Variants in DPYD observed in about 807,000 individuals in gnomAD.
DPYD encodes the protein dihydropyrimidine dehydrogenase [NADP(+)].
In DPYD, 109 loss-of-function variants were observed where a neutral mutation model predicts 116.2. The ratio of observed to expected loss-of-function variants is 0.94; its 90% CI spans 0.80 to 1.10. The LOEUF is 1.10. Ranked by LOEUF, DPYD falls within the 50% of genes least tolerant of loss-of-function variation. The probability of loss-of-function intolerance (pLI) is 0.00; values close to 1 mark genes in which losing one functional copy is unlikely to be tolerated. For synonymous variants in DPYD, 440 were observed against 432.0 expected, an observed-to-expected ratio of 1.02 and a Z score of -0.23; for missense variants, 1,302 against 1,254.5, an observed-to-expected ratio of 1.04 and a Z score of -0.57.
chr1:97,911,138 A>C (rs1415426985), intron 1 of DPYD, among the ~76,000 whole-genome samples: 2 of 152,222 alleles, frequency 1.3e-5, no homozygotes, highest in East Asian at 3.9e-4. Flanking sequence ...AGCTGCTAGC[A>C]GCTATATTAA....
At chr1:97,756,787 A>G (rs1252616908) in intron 3 of DPYD, among the ~76,000 whole-genome samples, 1 of 152,212 alleles carries the variant, frequency 6.6e-6, no homozygotes, top group Non-Finnish European at 1.5e-5. Flanking sequence ...TATTGACTTT[A>G]GTAATGCTAA....
At chr1:97,128,738 A>G (rs1001449742) in intron 20 of DPYD, among the ~76,000 whole-genome samples, 1 of 152,206 alleles carries the variant, frequency 6.6e-6, no homozygotes, top group South Asian at 2.1e-4. Context: ...AACAATGAGC[A>G]GAAGTCTGGA....
intron 14 of DPYD, among the ~76,000 whole-genome samples, chr1:97,425,194 A>G (rs1674795845): frequency 6.6e-6 from 1 of 152,098 alleles, no homozygotes; most frequent in Non-Finnish European, 1.5e-5. Context: ...AATCAGCAGT[A>G]TAAATAGATG....
intron 20 of DPYD, among the ~76,000 whole-genome samples, chr1:97,177,571 T>A (rs1175443637): frequency 6.7e-6 from 1 of 148,950 alleles, no homozygotes; most frequent in East Asian, 2.0e-4. Flanking sequence ...TCTTTCTTTT[T>A]TTTTTTTTTT....
rs750268588 is a variant in DPYD at position 97,193,256 on chromosome 1, A to G, written c.2443-8T>C. The G allele has an allele frequency of 2.5e-6, 4 of 1,612,608 alleles. No homozygotes were observed. The highest frequency in any genetic ancestry group is 1.1e-5 in the South Asian group (1 of 90,870). On this transcript the variant is annotated splice_region_variant and splice_polypyrimidine_tract_variant and intron_variant, in intron 19 of 22. Transcript: ENST00000370192. ...CTGAATGGCACTGCATACCTAGAAA[A>G]GACAGAGCAGTCAACCAAGTGTCAA...
At chr1:97,390,869 G>A (rs1363405141) in intron 14 of DPYD, among the ~76,000 whole-genome samples, 3 of 151,406 alleles carry the variant, frequency 2.0e-5, no homozygotes, top group Non-Finnish European at 4.4e-5. Context: ...TTTAGTTTCT[G>A]TCCCCAATAT....
At chr1:97,654,174 A>AG in intron 8 of DPYD, among the ~76,000 whole-genome samples, 1 of 152,308 alleles carries the variant, frequency 6.6e-6, no homozygotes, top group Non-Finnish European at 1.5e-5. Flanking sequence ...ATAAATATAC[A>AG]CTGTCCTGCT....
intron 8 of DPYD, among the ~76,000 whole-genome samples, chr1:97,670,170 A>G (rs1179824645): frequency 6.6e-6 from 1 of 152,142 alleles, no homozygotes; most frequent in Non-Finnish European, 1.5e-5. Context: ...AGTAACTTCT[A>G]ATTTTGTTAA....
intron 1 of DPYD, among the ~76,000 whole-genome samples, chr1:97,896,875 A>G (rs1369152067): frequency 6.6e-6 from 1 of 151,932 alleles, no homozygotes; most frequent in Non-Finnish European, 1.5e-5. Context: ...ATAGCATTTT[A>G]CTTGTATATG....
In DPYD at chr1:97,563,284, T is replaced by C. The variant is rs555445060; in HGVS notation, c.1339+10476A>G. Among the ~76,000 whole-genome samples the C allele has an allele frequency of 2.0e-5, 3 of 152,330 alleles. No individual in the cohort carries two copies. In the East Asian group the frequency reaches 5.8e-4, roughly 29 times the overall value. ...TAGGTTTCAGAATAACCTTTTACTA[T>C]ACTATAAGCTAACTAGTTTTTAAAA... On this transcript the variant is annotated intron_variant, in intron 11 of 22. Transcript: ENST00000370192.
At chr1:97,240,298 A>G (rs1027857808) in intron 18 of DPYD, among the ~76,000 whole-genome samples, 4 of 151,992 alleles carry the variant, frequency 2.6e-5, no homozygotes, top group African/African-American at 9.7e-5. Context: ...TCTGAACTCA[A>G]GTTTATTGGT....
chr1:97,844,929 C>G (rs1022935019), intron 2 of DPYD, among the ~76,000 whole-genome samples: 1 of 152,262 alleles, frequency 6.6e-6, no homozygotes, highest in African/African-American at 2.4e-5. Context: ...GCTGTCGCAA[C>G]CTGGCTGGGT....
intron 3 of DPYD, among the ~76,000 whole-genome samples, chr1:97,760,950 A>C (rs1250185333): frequency 6.6e-6 from 1 of 152,124 alleles, no homozygotes; most frequent in East Asian, 1.9e-4. Flanking sequence ...AAGTCGTGCT[A>C]ATTAGGATAA....
intron 11 of DPYD, among the ~76,000 whole-genome samples, chr1:97,570,927 A>C (rs1227090382): frequency 6.6e-6 from 1 of 151,924 alleles, no homozygotes; most frequent in Non-Finnish European, 1.5e-5. Flanking sequence ...GCCTGAGCAA[A>C]AATTTAGGAT....
intron 18 of DPYD, among the ~76,000 whole-genome samples, chr1:97,291,958 C>T (rs916513558): frequency 2.0e-5 from 3 of 152,068 alleles, no homozygotes; most frequent in African/African-American, 7.2e-5. Context: ...TTTCATTCTC[C>T]TTAAAACAAA....
chr1:97,641,833 T>C (rs1657926206), intron 8 of DPYD, among the ~76,000 whole-genome samples: 3 of 152,322 alleles, frequency 2.0e-5, no homozygotes, highest in South Asian at 4.2e-4. Flanking sequence ...GATGACATGA[T>C]TGTATATTTA....
At chr1:97,850,237 T>C (rs1670504957) in intron 2 of DPYD, among the ~76,000 whole-genome samples, 1 of 152,194 alleles carries the variant, frequency 6.6e-6, no homozygotes, top group Non-Finnish European at 1.5e-5. Context: ...GCAATTGAAA[T>C]AGGTCTCCAA....
intron 6 of DPYD, among the ~76,000 whole-genome samples, chr1:97,696,805 T>C (rs940632342): frequency 6.6e-6 from 1 of 152,164 alleles, no homozygotes; most frequent in Non-Finnish European, 1.5e-5. Context: ...ATAGAGATAA[T>C]AGACTTAAAT....
At chr1:97,248,626 C>T (rs548751423) in intron 18 of DPYD, among the ~76,000 whole-genome samples, 4 of 152,168 alleles carry the variant, frequency 2.6e-5, no homozygotes, top group Non-Finnish European at 5.9e-5. Flanking sequence ...CAAAAGGGTA[C>T]AGAAAGTGTA....
Sources: allele counts gnomAD v4.1 joint callset (sites outside exome capture counted in the v4.1 genomes callset), GRCh38; gene constraint gnomAD v4.1.1; transcripts MANE v1.5; gene names NCBI Gene and HGNC (gene_info 2026-07-23, HGNC 2026-07-21).